Variants in SOX5 observed in about 807,000 individuals in gnomAD.
SOX5 encodes transcription factor SOX-5.
In SOX5, 9 loss-of-function variants were observed where a neutral mutation model predicts 92.0. The observed-to-expected ratio is 0.10, with a 90% CI of 0.06 to 0.17. The LOEUF (loss-of-function observed/expected upper bound fraction) is 0.17, where lower values mean the gene tolerates loss of function less well. Among genes scored for constraint, SOX5 ranks in the 10% least tolerant of loss-of-function variants. The probability of loss-of-function intolerance (pLI) is 1.00; values close to 1 mark genes in which losing one functional copy is unlikely to be tolerated. For missense variants in SOX5, 642 were observed against 944.5 expected, an observed-to-expected ratio of 0.68 and a Z score of 4.20; for synonymous variants, 344 against 336.3, an observed-to-expected ratio of 1.02 and a Z score of -0.25.
intron 4 of SOX5, among the ~76,000 whole-genome samples, chr12:23,753,591 T>C (rs2094255707): frequency 6.6e-6 from 1 of 151,828 alleles, no homozygotes; most frequent in African/African-American, 2.4e-5. Flanking sequence ...AGATTACTTA[T>C]TGTTCCCTCC....
At chr12:24,474,854 G>A (rs889900846) in intron 1 of SOX5, among the ~76,000 whole-genome samples, 11 of 150,996 alleles carry the variant, frequency 7.3e-5, no homozygotes, top group African/African-American at 2.4e-4. Context: ...AAAATTCTTA[G>A]TGAGAGTTTT....
chr12:23,957,279 G>C (rs928762537), intron 4 of SOX5, among the ~76,000 whole-genome samples: 1 of 151,978 alleles, frequency 6.6e-6, no homozygotes, highest in African/African-American at 2.4e-5. Flanking sequence ...CAACTTAATT[G>C]GTCCCCCAAA....
At chr12:24,443,877 C>T (rs1224854320) in intron 1 of SOX5, among the ~76,000 whole-genome samples, 10 of 152,220 alleles carry the variant, frequency 6.6e-5, no homozygotes, top group Non-Finnish European at 1.5e-4. Context: ...CAAAAAGGCA[C>T]TGCTTTCTTG....
chr12:24,193,166 C>T (rs1049309386), intron 4 of SOX5, among the ~76,000 whole-genome samples: 1 of 152,132 alleles, frequency 6.6e-6, no homozygotes, highest in African/African-American at 2.4e-5. Flanking sequence ...ATAAAAACCC[C>T]AAACAAACAA....
chr12:24,271,977 A>G (rs1943806759), intron 3 of SOX5, among the ~76,000 whole-genome samples: 1 of 72,978 alleles, frequency 1.4e-5, no homozygotes, highest in South Asian at 6.5e-4. Flanking sequence ...TCACACACAC[A>G]CACAAACACA....
intron 4 of SOX5, among the ~76,000 whole-genome samples, chr12:23,980,160 T>C (rs974900877): frequency 6.6e-6 from 1 of 152,102 alleles, no homozygotes. Context: ...TATATTCTTT[T>C]CTATGATTCT....
At chr12:24,406,378 G>A (rs372042934) in intron 1 of SOX5, among the ~76,000 whole-genome samples, 1 of 148,548 alleles carries the variant, frequency 6.7e-6, no homozygotes, top group East Asian at 1.9e-4. Context: ...GATCAACTGA[G>A]AGTCAGTGTT....
At chr12:24,049,478 A>T (rs1254704134) in intron 4 of SOX5, among the ~76,000 whole-genome samples, 7 of 152,198 alleles carry the variant, frequency 4.6e-5, no homozygotes, top group Non-Finnish European at 1.0e-4. Flanking sequence ...TTCCCTGCAC[A>T]TTCAGTTCTT....
At chr12:24,145,540 G>A (rs570070500) in intron 4 of SOX5, among the ~76,000 whole-genome samples, 3 of 152,106 alleles carry the variant, frequency 2.0e-5, no homozygotes, top group South Asian at 2.1e-4. Flanking sequence ...TCTATTGCCC[G>A]GGCTGAAGTG....
At chr12:23,583,247 TATCTA>T (rs890767135) in intron 9 of SOX5, among the ~76,000 whole-genome samples, 1 of 152,100 alleles carries the variant, frequency 6.6e-6, no homozygotes, top group African/African-American at 2.4e-5. Context: ...ATTAACTCTC[TATCTA>T]ATCTTACTTT....
rs550963843 is a variant in SOX5 at position 24,216,149 on chromosome 12, T to C, written c.-76-2732A>G. 8.1e-4 allele frequency among the ~76,000 whole-genome samples: 124 copies of C among 152,314 alleles called. No individual in the cohort carries two copies. The South Asian group carries it at 0.025, about 30-fold the overall frequency. On this transcript the variant is annotated intron_variant, in intron 3 of 4. Coordinates refer to the SOX5 transcript ENST00000446891. ...TGCTAATGAGGTGGCACAGGGTTGT[T>C]GCCACAGATAGCCTACAGGATGGGG...
intron 4 of SOX5, among the ~76,000 whole-genome samples, chr12:24,137,950 T>C (rs1158905372): frequency 6.6e-6 from 1 of 152,200 alleles, no homozygotes; most frequent in Admixed American, 6.5e-5. Context: ...TAGCCCACTG[T>C]TGGGCAGATT....
At chr12:24,537,963 CT>C (rs1951784394) in intron 1 of SOX5, among the ~76,000 whole-genome samples, 1 of 152,080 alleles carries the variant, frequency 6.6e-6, no homozygotes, top group Non-Finnish European at 1.5e-5. Flanking sequence ...TTGATGTTTC[CT>C]TTTATTTATT....
chr12:24,474,741 G>A (rs989543984), intron 1 of SOX5, among the ~76,000 whole-genome samples: 2 of 151,888 alleles, frequency 1.3e-5, no homozygotes, highest in Non-Finnish European at 2.9e-5. Flanking sequence ...TTACCATGTT[G>A]GCCATGCTGG....
At chr12:23,775,142 C>A (rs113333057) in intron 3 of SOX5, among the ~76,000 whole-genome samples, 334 of 152,288 alleles carry the variant, frequency 2.2e-3, no homozygotes, top group African/African-American at 7.6e-3. Flanking sequence ...AAATAGCATG[C>A]ATATTGTATA....
intron 4 of SOX5, among the ~76,000 whole-genome samples, chr12:24,174,756 G>T (rs982055451): frequency 1.3e-5 from 2 of 151,970 alleles, no homozygotes; most frequent in Non-Finnish European, 2.9e-5. Context: ...GGAGGCAAAG[G>T]TTGCAGTGAG....
chr12:24,340,745 A>G (rs1952480455), intron 2 of SOX5, among the ~76,000 whole-genome samples: 1 of 152,208 alleles, frequency 6.6e-6, no homozygotes, highest in Non-Finnish European at 1.5e-5. Flanking sequence ...GAGTCCTTTG[A>G]TTGAAACCTC....
intron 4 of SOX5, among the ~76,000 whole-genome samples, chr12:24,190,147 A>G (rs1956384136): frequency 6.6e-6 from 1 of 152,250 alleles, no homozygotes; most frequent in Admixed American, 6.5e-5. Context: ...CCAAAATAGC[A>G]CAGAAAACAC....
intron 1 of SOX5, among the ~76,000 whole-genome samples, chr12:24,428,973 T>C (rs78200200): frequency 4.1e-4 from 62 of 152,140 alleles, no homozygotes; most frequent in African/African-American, 1.4e-3. Context: ...AACCTTTCTG[T>C]GCCTATTGCT....
Sources: gnomAD v4.1 joint callset for allele counts (sites outside exome capture counted in the v4.1 genomes callset) on GRCh38, gnomAD v4.1.1 for gene constraint, MANE v1.5 for transcripts, NCBI Gene and HGNC (gene_info 2026-07-23, HGNC 2026-07-21) for gene names.